AGPS: variants seen among roughly 807,000 people sequenced by gnomAD.
The protein encoded by AGPS is alkylglycerone phosphate synthase, also known as alkyldihydroxyacetonephosphate synthase, peroxisomal.
A neutral mutation model predicts 90.7 loss-of-function variants in AGPS; 26 were observed. That is an observed-to-expected ratio of 0.29 (90% CI 0.21 to 0.40). The LOEUF (loss-of-function observed/expected upper bound fraction) is 0.40. AGPS is among the 10% of genes least tolerant of loss of function. The pLI is 1.00. For missense variants in AGPS, 540 were observed against 816.1 expected (o/e 0.66, Z 4.12); for synonymous variants, 294 against 285.3 (o/e 1.03, Z -0.31).
chr2:177,432,028 G>C (rs963695678), intron 2 of AGPS, among the ~76,000 whole-genome samples: 1 of 152,234 alleles, frequency 6.6e-6, no homozygotes, highest in East Asian at 1.9e-4. Context: ...CCTCTGTTCG[G>C]GGTCCCTGAC....
chr2:177,469,731 AAATAGCTATTAAAACTCAT>A (rs1687556994), intron 10 of AGPS, among the ~76,000 whole-genome samples: 2 of 152,222 alleles, frequency 1.3e-5, no homozygotes, highest in African/African-American at 4.8e-5. Context: ...TGAATAACGA[AAATAGCTATTAAAACTCAT>A]AATTTTTCAT....
intron 8 of AGPS, among the ~76,000 whole-genome samples, chr2:177,459,797 C>T (rs1357542655): frequency 1.3e-5 from 2 of 152,182 alleles, no homozygotes; most frequent in African/African-American, 4.8e-5. Flanking sequence ...CCATTTGACC[C>T]AGCAATCCCA....
chr2:177,411,809 T>C (rs982051648), intron 1 of AGPS, among the ~76,000 whole-genome samples: 1 of 152,214 alleles, frequency 6.6e-6, no homozygotes, highest in Non-Finnish European at 1.5e-5. Flanking sequence ...TCTATTATGT[T>C]GTTGTAGACC....
rs16865309 is a variant in AGPS at position 177,493,109 on chromosome 2, A to G, written c.1234-39A>G. The G allele has an allele frequency of 8.1e-3, 12,604 of 1,549,520 alleles. 889 individuals carry two copies. The African/African-American group carries it at 0.15, about 18-fold the overall frequency. On this transcript the variant is annotated intron_variant, in intron 11 of 19. Transcript: ENST00000264167. ...TTCTACCTGTCTAGCTTCTTACTGTATTAAATTTGTATCACTTTTTTTTTT... is the reference window on the plus strand; with the variant it reads ...TTCTACCTGTCTAGCTTCTTACTGTGTTAAATTTGTATCACTTTTTTTTTT...
chr2:177,400,599 G>A (rs940346216), intron 1 of AGPS, among the ~76,000 whole-genome samples: 4 of 152,100 alleles, frequency 2.6e-5, no homozygotes, highest in African/African-American at 9.7e-5. Context: ...GGTAGATATC[G>A]TCTTGTCATT....
At chr2:177,409,879 G>A (rs927172139) in intron 1 of AGPS, among the ~76,000 whole-genome samples, 1 of 152,196 alleles carries the variant, frequency 6.6e-6, no homozygotes, top group Middle Eastern at 3.2e-3. Context: ...ATGGCCTGCA[G>A]TGCAGGGGAT....
At chr2:177,411,819 C>T (rs1035264525) in intron 1 of AGPS, among the ~76,000 whole-genome samples, 3 of 152,092 alleles carry the variant, frequency 2.0e-5, no homozygotes, top group South Asian at 4.1e-4. Context: ...TGTTGTAGAC[C>T]CATAGTACTG....
At chr2:177,498,344 G>A (rs1455286064) in intron 13 of AGPS, among the ~76,000 whole-genome samples, 6 of 151,438 alleles carry the variant, frequency 4.0e-5, no homozygotes, top group Non-Finnish European at 7.4e-5. Flanking sequence ...TGGTGGTGGG[G>A]GGTGTGCAGC....
rs1175339619 is a variant in AGPS at position 177,480,200 on chromosome 2, C to T, written c.1106-1859C>T. On this transcript the variant is annotated intron_variant, in intron 10 of 19. Transcript: ENST00000264167. Reference sequence around the variant, plus strand: ...CATCTCAAAAATTTTAAAAAAATACCATTTGACCCAGCAATCCCATTACTG... The same window carrying T: ...CATCTCAAAAATTTTAAAAAAATACTATTTGACCCAGCAATCCCATTACTG... Among the ~76,000 whole-genome samples the T allele has an allele frequency of 2.6e-5, 4 of 152,004 alleles. No homozygotes were observed. The East Asian group carries it at 7.7e-4, about 29-fold the overall frequency.
intron 17 of AGPS, 30 bp downstream of exon 17, chr2:177,513,938 T>C: frequency 6.6e-7 from 1 of 1,519,682 alleles, no homozygotes. Context: ...CTTATACTTC[T>C]TATTCTGAAA....
intron 8 of AGPS, among the ~76,000 whole-genome samples, chr2:177,449,503 G>A (rs1319535396): frequency 6.6e-6 from 1 of 151,906 alleles, no homozygotes; most frequent in Non-Finnish European, 1.5e-5. Context: ...GCTCACTGCA[G>A]CCTTGACCTC....
At chr2:177,476,960 G>A (rs12997516) in intron 10 of AGPS, among the ~76,000 whole-genome samples, 133,049 of 152,072 alleles carry the variant, frequency 0.87, 58,340 homozygotes, top group East Asian at 0.98. Context: ...ATATTAGTAT[G>A]TAGTCACTCT....
intron 16 of AGPS, among the ~76,000 whole-genome samples, chr2:177,509,702 C>G (rs893986349): frequency 6.7e-6 from 1 of 149,494 alleles, no homozygotes; most frequent in Non-Finnish European, 1.5e-5. Context: ...GGCAGCTATT[C>G]ATAGTGGTCT....
At chr2:177,479,817 G>A (rs1482862987) in intron 10 of AGPS, among the ~76,000 whole-genome samples, 1 of 152,120 alleles carries the variant, frequency 6.6e-6, no homozygotes, top group Non-Finnish European at 1.5e-5. Flanking sequence ...TTTCTTTTTT[G>A]GGATGATGAA....
intron 7 of AGPS, 34 bp downstream of exon 7, chr2:177,442,520 T>G: frequency 1.3e-6 from 2 of 1,484,610 alleles, no homozygotes; most frequent in Non-Finnish European, 1.9e-6. Flanking sequence ...TTAAAACATT[T>G]TCTTTATTGG....
chr2:177,454,411 C>G (rs1158506494), intron 8 of AGPS, among the ~76,000 whole-genome samples: 1 of 151,664 alleles, frequency 6.6e-6, no homozygotes, highest in South Asian at 2.1e-4. Context: ...CTTTTTATAT[C>G]TTGCATGTCT....
intron 1 of AGPS, among the ~76,000 whole-genome samples, chr2:177,400,859 A>G (rs1370334922): frequency 6.6e-6 from 1 of 152,224 alleles, no homozygotes; most frequent in Non-Finnish European, 1.5e-5. Flanking sequence ...AGAAGTTCGC[A>G]TTTCCAACTC....
chr2:177,448,562 C>T (rs571368808), intron 8 of AGPS, among the ~76,000 whole-genome samples: 1 of 152,282 alleles, frequency 6.6e-6, no homozygotes, highest in African/African-American at 2.4e-5. Context: ...CAAAATGTGT[C>T]TGTTCTGTAG....
At chr2:177,527,562 A>G (rs953033780) in intron 19 of AGPS, among the ~76,000 whole-genome samples, 4 of 152,070 alleles carry the variant, frequency 2.6e-5, no homozygotes, top group African/African-American at 7.2e-5. Flanking sequence ...GTTCTTTCCC[A>G]TAAGTCAATT....
Sources: allele counts gnomAD v4.1 joint callset (sites outside exome capture counted in the v4.1 genomes callset), GRCh38; gene constraint gnomAD v4.1.1; transcripts MANE v1.5; gene names NCBI Gene and HGNC (gene_info 2026-07-23, HGNC 2026-07-21).